NEXN: variants seen among roughly 807,000 people sequenced by gnomAD.
The protein encoded by NEXN is nexilin.
A neutral mutation model predicts 92.6 loss-of-function variants in NEXN; 65 were observed. The observed-to-expected ratio is 0.70, with a 90% CI of 0.57 to 0.86. The LOEUF is 0.86. NEXN is among the 40% of genes least tolerant of loss of function. The pLI is 0.00. For synonymous variants in NEXN, 254 were observed against 242.5 expected, an observed-to-expected ratio of 1.05 and a Z score of -0.44; for missense variants, 778 against 771.1, an observed-to-expected ratio of 1.01 and a Z score of -0.11.
chr1:77,909,883 C>T (rs897321541), intron 1 of NEXN, among the ~76,000 whole-genome samples: 5 of 151,992 alleles, frequency 3.3e-5, no homozygotes, highest in East Asian at 1.9e-4. Context: ...TTAATAAAAG[C>T]GGACATCACA....
rs368295679 is a variant in NEXN, at chr1:77,943,237, C to CA, written c.*418dup. On this transcript the variant is annotated 3_prime_UTR_variant, in exon 13 of 13. Transcript: ENST00000334785. ...AGCAACTATGTTTAAAAAACAAAAA[C>CA]AAAAAAAAAACACACAAACCTAAGT... is the stretch of plus-strand genomic sequence containing the variant. 0.056 allele frequency: 10,852 copies of CA among 193,176 alleles called. 207 individuals carry two copies. Among genetic ancestry groups the CA allele is most frequent in the South Asian group, 0.14 (1,693 of 12,490 alleles). The allele number at this position is 193,176 out of a possible 1,614,324, so 12.0% of individuals were successfully genotyped here.
At chr1:77,917,922 T>A (rs775821299) in intron 3 of NEXN, 38 bp from the exon 4 acceptor site, 2 of 1,554,716 alleles carry the variant, frequency 1.3e-6, no homozygotes, top group Non-Finnish European at 1.8e-6. Context: ...AGTCTAATTT[T>A]TGGACATGTG....
chr1:77,917,911 T>G, intron 3 of NEXN, 49 bp from the exon 4 acceptor site: 2 of 1,516,312 alleles, frequency 1.3e-6, no homozygotes, highest in Non-Finnish European at 1.8e-6. Context: ...TAATGTGATT[T>G]AGTCTAATTT....
chr1:77,941,938 G>C, intron 11 of NEXN, 85 bp from the exon 12 acceptor site: 2 of 1,310,936 alleles, frequency 1.5e-6, no homozygotes, highest in Non-Finnish European at 2.2e-6. Context: ...TAATCATTTT[G>C]TGCTTCTAAA....
rs397517847 is a variant in NEXN at position 77,936,028 on chromosome 1, C to T, written c.1457C>T (p.Ala486Val). The change falls in exon 11 of 13, where the codon GCT (alanine) becomes GTT (valine). Residue 486 changes from alanine to valine, a missense_variant. Physicochemically the swap from Ala to Val is moderately conservative, Grantham distance 64. This residue lies in a region of NEXN where 532 missense variants were observed against 476.7 expected (regional missense o/e 1.12). Transcript: ENST00000334785. ...AIDLEIKERE[A>V]ENFHEEDDVD... Reference sequence around the variant, plus strand: ...GACCTTGAAATTAAAGAGCGAGAAGCTGAAAATTTTCATGAGGTATATTAC... The same window carrying T: ...GACCTTGAAATTAAAGAGCGAGAAGTTGAAAATTTTCATGAGGTATATTAC... The T allele has an allele frequency of 1.2e-6, 2 of 1,612,594 alleles. No homozygotes were observed. The highest frequency in any genetic ancestry group is 2.7e-5 in the African/African-American group (2 of 74,824).
chr1:77,931,231 C>CAAAAAAAAAAAAAA (rs367898061), intron 9 of NEXN, among the ~76,000 whole-genome samples: 6 of 120,570 alleles, frequency 5.0e-5, no homozygotes, highest in African/African-American at 1.1e-4. Context: ...ACTAAAAATA[C>CAAAAAAAAAAAAAA]AAAAAAAAAA....
At chr1:77,925,309 TAA>T in intron 6 of NEXN, 80 bp downstream of exon 6, 1 of 948,142 alleles carries the variant, frequency 1.1e-6, no homozygotes, top group Non-Finnish European at 1.7e-6. Flanking sequence ...AAGAAAAAAC[TAA>T]AAGAGCTTTT....
At chr1:77,893,199 A>G (rs1647147650) in intron 1 of NEXN, among the ~76,000 whole-genome samples, 1 of 152,032 alleles carries the variant, frequency 6.6e-6, no homozygotes, top group Admixed American at 6.6e-5. Context: ...TCCATTTGAG[A>G]AGTGTTTAGG....
intron 11 of NEXN, 42 bp downstream of exon 11, chr1:77,936,086 G>T: frequency 7.1e-7 from 1 of 1,409,572 alleles, no homozygotes; most frequent in Non-Finnish European, 9.9e-7. Context: ...GTACAGTAAT[G>T]ATAATAAATT....
intron 11 of NEXN, among the ~76,000 whole-genome samples, 155 bp downstream of exon 11, chr1:77,936,199 T>TA (rs1650751876): frequency 6.6e-6 from 1 of 152,144 alleles, no homozygotes. Flanking sequence ...ATGTAGATCT[T>TA]AGACTTTGAA....
At chr1:77,890,134 T>C (rs1341345201) in intron 1 of NEXN, among the ~76,000 whole-genome samples, 1 of 152,174 alleles carries the variant, frequency 6.6e-6, no homozygotes, top group East Asian at 1.9e-4. Context: ...TAAGTAAACT[T>C]TGATTAACCA....
intron 1 of NEXN, among the ~76,000 whole-genome samples, chr1:77,910,622 G>C (rs759466631): frequency 1.3e-5 from 2 of 151,476 alleles, no homozygotes; most frequent in African/African-American, 4.9e-5. Context: ...GTCGTCGGTC[G>C]CGCCTGTAGT....
chr1:77,933,619 C>A, intron 10 of NEXN, 140 bp downstream of exon 10: 4 of 679,814 alleles, frequency 5.9e-6, no homozygotes, highest in Non-Finnish European at 7.7e-6. Context: ...ATGGTACAGG[C>A]GTCTGCACAA....
At chr1:77,911,881 C>T (rs926433185) in intron 1 of NEXN, among the ~76,000 whole-genome samples, 1 of 151,724 alleles carries the variant, frequency 6.6e-6, no homozygotes, top group Non-Finnish European at 1.5e-5. Flanking sequence ...GGAGTTGAGA[C>T]CAGCCTGACC....
At chr1:77,926,636 T>C (rs1312665867) in intron 7 of NEXN, 25 bp downstream of exon 7, 5 of 1,613,938 alleles carry the variant, frequency 3.1e-6, no homozygotes, top group African/African-American at 1.3e-5. Context: ...GTTTGTTTTC[T>C]AAGAAACAAA....
chr1:77,930,636 T>G (rs1308969954), intron 9 of NEXN, among the ~76,000 whole-genome samples: 1 of 152,182 alleles, frequency 6.6e-6, no homozygotes, highest in Non-Finnish European at 1.5e-5. Context: ...GTTTCATTTC[T>G]TGATTCTTCC....
At chr1:77,891,561 G>A (rs1056816426) in intron 1 of NEXN, among the ~76,000 whole-genome samples, 2 of 151,666 alleles carry the variant, frequency 1.3e-5, no homozygotes, top group Non-Finnish European at 2.9e-5. Context: ...ACTTCTCACC[G>A]TCCATCCTGG....
intron 11 of NEXN, among the ~76,000 whole-genome samples, chr1:77,940,848 G>A (rs961721710): frequency 2.0e-5 from 3 of 152,086 alleles, no homozygotes; most frequent in African/African-American, 7.2e-5. Flanking sequence ...AACAACCATA[G>A]TCAGGCATTA....
chr1:77,916,049 T>G lies in NEXN; in HGVS notation c.-52-6T>G. 8.5e-7 allele frequency: 1 copy of G among 1,169,890 alleles called. No individual in the cohort carries two copies. Among genetic ancestry groups the G allele is most frequent in the Non-Finnish European group, 1.1e-6 (1 of 876,514 alleles). 72.5% of individuals were successfully genotyped at this position (1,169,890 alleles called of 1,614,324 possible). Reference sequence around the variant, plus strand: ...AAATTTATTATACAATATAAATTTTTTTCAGGTGCAAATATATACAGAGCT... The same window carrying G: ...AAATTTATTATACAATATAAATTTTGTTCAGGTGCAAATATATACAGAGCT... On this transcript the variant is annotated splice_polypyrimidine_tract_variant and splice_region_variant and intron_variant, in intron 1 of 12. Transcript: ENST00000334785.
Sources: allele counts gnomAD v4.1 joint callset (sites outside exome capture counted in the v4.1 genomes callset), GRCh38; gene constraint gnomAD v4.1.1; regional missense constraint gnomAD v4.1.1; transcripts MANE v1.5; gene names NCBI Gene and HGNC (gene_info 2026-07-23, HGNC 2026-07-21).